GAN: variants seen among roughly 807,000 people sequenced by gnomAD.
GAN encodes epididymis secretory sperm binding protein.
GAN carries 48 observed loss-of-function variants against 71.3 expected under a neutral mutation model. The observed-to-expected ratio is 0.67, with a 90% CI of 0.53 to 0.86. GAN has a LOEUF of 0.86. Ranked by LOEUF, GAN falls within the 40% of genes least tolerant of loss-of-function variation. The pLI, the probability that GAN is intolerant of heterozygous loss-of-function variation, is 0.00. For missense variants in GAN, 928 were observed against 770.1 expected, an observed-to-expected ratio of 1.21 and a Z score of -2.43; for synonymous variants, 386 against 276.8, an observed-to-expected ratio of 1.39 and a Z score of -3.92.
chr16:81,368,657 A>G (rs1428061316), intron 9 of GAN, among the ~76,000 whole-genome samples: 1 of 152,088 alleles, frequency 6.6e-6, no homozygotes, highest in Non-Finnish European at 1.5e-5. Flanking sequence ...GCAACTCATC[A>G]GTTGCCAGGT....
At chr16:81,371,310 G>C (rs971726976) in intron 9 of GAN, among the ~76,000 whole-genome samples, 1 of 152,134 alleles carries the variant, frequency 6.6e-6, no homozygotes, top group African/African-American at 2.4e-5. Flanking sequence ...AAGAGTTGGC[G>C]TCTATTGATT....
Position 81,377,787 on chromosome 16 carries a change from C to G in GAN, c.*191C>G, listed in dbSNP as rs547445208. On this transcript the variant is annotated 3_prime_UTR_variant, in exon 11 of 11. Coordinates refer to ENST00000648994, the MANE Select transcript of GAN (RefSeq NM_022041.4). ...GGGAGAACACGTAACTGTTGAAAAA[C>G]TACCTGGGAGGAGTGAGTTCCTCCA... is the stretch of plus-strand genomic sequence containing the variant. 1.1e-5 allele frequency: 7 copies of G among 623,070 alleles called. No homozygotes were observed. Among genetic ancestry groups the G allele is most frequent in the South Asian group, 1.9e-5 (1 of 53,670 alleles). 38.6% of individuals were successfully genotyped at this position (623,070 alleles called of 1,614,324 possible). A position where few individuals can be genotyped will look rare whatever the true frequency, so the allele number is the denominator to read the frequency against.
At position 81,365,008 on chromosome 16, in the gene GAN, A is replaced by G. The variant is rs1177103396; in HGVS notation, c.1271A>G (p.Tyr424Cys). 1 of 1,613,762 alleles carries G rather than the reference A, an allele frequency of 6.2e-7. No individual in the cohort carries two copies. The change falls in exon 8 of 11, where the codon TAC becomes TGC. Residue 424 changes from tyrosine to cysteine, a missense_variant. Transcript: ENST00000648994. ...GCYAAMKKKIYAMGGGSYGKL... is the reference protein window; with the variant it reads ...GCYAAMKKKICAMGGGSYGKL... Reference sequence around the variant, plus strand: ...TATGCAGCTATGAAAAAGAAAATCTACGCCATGGGTGGAGGCTCCTACGGA... The same window carrying G: ...TATGCAGCTATGAAAAAGAAAATCTGCGCCATGGGTGGAGGCTCCTACGGA...
At chr16:81,357,055 C>G (rs139872663) in intron 4 of GAN, 53 bp downstream of exon 4, 1 of 1,035,424 alleles carries the variant, frequency 9.7e-7, no homozygotes, top group East Asian at 2.4e-5. Context: ...AGAGGTAGTT[C>G]CATGTAAACA....
In GAN at chr16:81,381,149, T is replaced by C. The variant is rs1904302843; in HGVS notation, c.*3553T>C. The C allele has an allele frequency of 6.6e-6, 1 of 152,230 alleles. No individual in the cohort carries two copies. Among genetic ancestry groups the C allele is most frequent in the Non-Finnish European group, 1.5e-5 (1 of 68,040 alleles). 9.4% of individuals were successfully genotyped at this position (152,230 alleles called of 1,614,324 possible). A position where few individuals can be genotyped will look rare whatever the true frequency, so the allele number is the denominator to read the frequency against. ...GGTAAAGAGAGGACTGGCTTTGCTA[T>C]GGCACCTAAGTTACTCATGGGTAGT... On this transcript the variant is annotated 3_prime_UTR_variant, in exon 11 of 11. Transcript: ENST00000648994.
intron 1 of GAN, among the ~76,000 whole-genome samples, chr16:81,337,402 T>C (rs987002771): frequency 6.6e-6 from 1 of 152,226 alleles, no homozygotes; most frequent in Non-Finnish European, 1.5e-5. Flanking sequence ...CTTGCTTTTA[T>C]TGGAGACAAG....
At chr16:81,316,670 C>T (rs367818140) in intron 1 of GAN, among the ~76,000 whole-genome samples, 1 of 152,160 alleles carries the variant, frequency 6.6e-6, no homozygotes, top group African/African-American at 2.4e-5. Context: ...ACTTTAGATG[C>T]ATTATTGTTA....
At chr16:81,341,570 A>G (rs943975323) in intron 1 of GAN, among the ~76,000 whole-genome samples, 1 of 152,234 alleles carries the variant, frequency 6.6e-6, no homozygotes, top group Non-Finnish European at 1.5e-5. Context: ...TCCTTTACAG[A>G]CAAGCAAATG....
intron 9 of GAN, 103 bp from the exon 10 acceptor site, chr16:81,377,116 C>G: frequency 3.7e-6 from 3 of 803,392 alleles, no homozygotes; most frequent in Non-Finnish European, 6.8e-6. Flanking sequence ...TGGCACAGTG[C>G]CTGATACTGC....
chr16:81,346,177 A>G lies in GAN; in HGVS notation c.168-5406A>G, dbSNP rs187382323. Among the ~76,000 whole-genome samples, 332 of 152,362 alleles carry G rather than the reference A, an allele frequency of 2.2e-3. 6 individuals are homozygous for G. Among genetic ancestry groups the G allele is most frequent in the Non-Finnish European group, 8.2e-4 (56 of 68,032 alleles). On this transcript the variant is annotated intron_variant, in intron 1 of 10. Transcript: ENST00000648994. ...CCACAGAACAGTTTGAGCAAAGAAA[A>G]TTTAATATAAAGAATTATTAACTAC...
intron 1 of GAN, among the ~76,000 whole-genome samples, chr16:81,337,765 G>C (rs1256432052): frequency 6.6e-6 from 1 of 152,122 alleles, no homozygotes; most frequent in African/African-American, 2.4e-5. Flanking sequence ...CGTGAATATT[G>C]TTTCACTTCC....
At position 81,348,807 on chromosome 16, in the gene GAN, C is replaced by T. The variant is rs114155166; in HGVS notation, c.168-2776C>T. Among the ~76,000 whole-genome samples, 1,353 of 152,246 alleles carry T rather than the reference C, an allele frequency of 8.9e-3. 23 individuals carry two copies. The highest frequency in any genetic ancestry group is 0.031 in the African/African-American group (1,303 of 41,538). Reference sequence around the variant, plus strand: ...TCTTAGGGCAGATTGATGTCTGTGCCCTTGGGTCTGTACCCTTGGGCTGAT... The same window carrying T: ...TCTTAGGGCAGATTGATGTCTGTGCTCTTGGGTCTGTACCCTTGGGCTGAT... On this transcript the variant is annotated intron_variant, in intron 1 of 10. Transcript: ENST00000648994.
intron 9 of GAN, among the ~76,000 whole-genome samples, chr16:81,366,091 A>G (rs971711935): frequency 6.6e-6 from 1 of 152,090 alleles, no homozygotes; most frequent in African/African-American, 2.4e-5. Context: ...CTTTTTCAAA[A>G]CTGCTTAGTT....
intron 1 of GAN, among the ~76,000 whole-genome samples, chr16:81,349,459 G>C: frequency 6.6e-6 from 1 of 152,164 alleles, no homozygotes; most frequent in East Asian, 1.9e-4. Context: ...GCCCGGGCAA[G>C]ATGGTGAAAC....
rs1434797669 is a variant in GAN, at chr16:81,377,518, C to G, written c.1716C>G (p.Ala572=). 2.2e-5 allele frequency: 36 copies of G among 1,614,134 alleles called. No homozygotes were observed. The highest frequency in any genetic ancestry group is 3.3e-5 in the South Asian group (3 of 91,088). ...PSDLRRTGCA[A]LRIANCKLFR... is the part of the protein sequence containing the mutation. Reference sequence around the variant, plus strand: ...ACCTTCGCCGTACAGGATGTGCAGCCTTACGCATTGCGAATTGCAAGCTTT... The same window carrying G: ...ACCTTCGCCGTACAGGATGTGCAGCGTTACGCATTGCGAATTGCAAGCTTT... Residue 572 remains alanine (A), a synonymous_variant, in exon 11 of 11, where the codon GCC becomes GCG. Transcript: ENST00000648994.
intron 5 of GAN, among the ~76,000 whole-genome samples, chr16:81,361,695 A>C (rs1910677965): frequency 6.6e-6 from 1 of 152,140 alleles, no homozygotes; most frequent in Non-Finnish European, 1.5e-5. Flanking sequence ...TAAGAAGATT[A>C]TTATTGTTGT....
intron 1 of GAN, among the ~76,000 whole-genome samples, chr16:81,350,518 A>AT (rs11430822): frequency 0.57 from 82,768 of 145,102 alleles, 23,710 homozygotes; most frequent in East Asian, 0.82. Context: ...TACTTACTTA[A>AT]TTTTTTTTTT....
intron 6 of GAN, among the ~76,000 whole-genome samples, chr16:81,363,032 C>T (rs1169137437): frequency 6.6e-6 from 1 of 152,232 alleles, no homozygotes; most frequent in Non-Finnish European, 1.5e-5. Flanking sequence ...GTGTTCTGGT[C>T]AGTATTTCAT....
intron 1 of GAN, among the ~76,000 whole-genome samples, chr16:81,341,920 A>T (rs547044880): frequency 5.9e-5 from 9 of 152,334 alleles, no homozygotes; most frequent in African/African-American, 1.9e-4. Context: ...ATAGGCTCAA[A>T]ATAAAGGGAT....
Sources: gnomAD v4.1 joint callset for allele counts (sites outside exome capture counted in the v4.1 genomes callset) on GRCh38, gnomAD v4.1.1 for gene constraint, MANE v1.5 for transcripts, NCBI Gene and HGNC (gene_info 2026-07-23, HGNC 2026-07-21) for gene names.